The following TMEM245 variants were observed in gnomAD, a reference collection of about 807,000 sequenced individuals.
TMEM245 encodes the protein protein CG-2.
In TMEM245, 69 loss-of-function variants were observed where a neutral mutation model predicts 101.2. The ratio of observed to expected loss-of-function variants is 0.68; its 90% CI spans 0.56 to 0.83. The LOEUF (loss-of-function observed/expected upper bound fraction) is 0.83. Among genes scored for constraint, TMEM245 ranks in the 40% least tolerant of loss-of-function variants. The pLI, the probability that TMEM245 is intolerant of heterozygous loss-of-function variation, is 0.00. For synonymous variants in TMEM245, 537 were observed against 449.8 expected, an observed-to-expected ratio of 1.19 and a Z score of -2.45; for missense variants, 1,075 against 1,092.8, an observed-to-expected ratio of 0.98 and a Z score of 0.23.
intron 3 of TMEM245, among the ~76,000 whole-genome samples, chr9:109,097,102 G>C (rs1267470965): frequency 1.3e-5 from 2 of 152,196 alleles, no homozygotes; most frequent in Admixed American, 6.5e-5. Flanking sequence ...GGTTTCCAAA[G>C]GAGCTGTCTG....
intron 9 of TMEM245, among the ~76,000 whole-genome samples, chr9:109,065,685 T>C (rs1423976821): frequency 6.6e-6 from 1 of 152,082 alleles, no homozygotes; most frequent in Non-Finnish European, 1.5e-5. Context: ...CAAGAGAAAA[T>C]ATGTTCACGT....
rs185698441 is a variant in TMEM245 at position 109,038,795 on chromosome 9, T to C, written c.2124-678A>G. The C allele has an allele frequency of 1.3e-3, 200 of 152,316 alleles. 1 individual carries two copies. The highest frequency in any genetic ancestry group is 4.4e-3 in the African/African-American group (182 of 41,556). 9.4% of individuals were successfully genotyped at this position (152,316 alleles called of 1,614,324 possible). A position where few individuals can be genotyped will look rare whatever the true frequency, so the allele number is the denominator to read the frequency against. On this transcript the variant is annotated intron_variant, in intron 14 of 17. Transcript: ENST00000374586. ...AGACACATATATTTGGTGACTAATA[T>C]AGGAATTCAATACATGAAAATCTGC...
intron 9 of TMEM245, among the ~76,000 whole-genome samples, chr9:109,066,750 G>C (rs376991943): frequency 6.6e-6 from 1 of 151,772 alleles, no homozygotes; most frequent in South Asian, 2.1e-4. Flanking sequence ...CTCTCCTGTA[G>C]TGTTATTCAA....
At chr9:109,087,121 C>A in intron 6 of TMEM245, 52 bp downstream of exon 6, 1 of 1,492,592 alleles carries the variant, frequency 6.7e-7, no homozygotes, top group South Asian at 1.4e-5. Flanking sequence ...AAGTTCAAAC[C>A]ACGAAATATA....
intron 14 of TMEM245, among the ~76,000 whole-genome samples, chr9:109,040,569 C>T (rs1304849413): frequency 6.6e-6 from 1 of 152,266 alleles, no homozygotes; most frequent in Middle Eastern, 3.4e-3. Flanking sequence ...TCTAGAATTT[C>T]ACGTAAACAC....
At chr9:109,026,424 G>T (rs1361752122) in intron 17 of TMEM245, among the ~76,000 whole-genome samples, 1 of 151,924 alleles carries the variant, frequency 6.6e-6, no homozygotes, top group Non-Finnish European at 1.5e-5. Flanking sequence ...TTAGGAGTTC[G>T]TTAAGAAGGA....
chr9:109,044,542 C>A (rs1485161714), intron 14 of TMEM245, among the ~76,000 whole-genome samples: 1 of 152,098 alleles, frequency 6.6e-6, no homozygotes, highest in Non-Finnish European at 1.5e-5. Flanking sequence ...AGCCTCACTG[C>A]AATATGGTAT....
intron 4 of TMEM245, among the ~76,000 whole-genome samples, chr9:109,092,113 T>C (rs1440666272): frequency 1.3e-5 from 2 of 152,222 alleles, no homozygotes; most frequent in African/African-American, 4.8e-5. Flanking sequence ...CTACTTATCC[T>C]TTCTCATTCT....
intron 14 of TMEM245, among the ~76,000 whole-genome samples, chr9:109,040,107 G>A (rs1195075057): frequency 6.6e-6 from 1 of 152,170 alleles, no homozygotes; most frequent in Non-Finnish European, 1.5e-5. Context: ...TGCTGGTAAT[G>A]TTCTCAAGGC....
At chr9:109,097,845 C>T (rs1830181047) in intron 3 of TMEM245, among the ~76,000 whole-genome samples, 1 of 152,270 alleles carries the variant, frequency 6.6e-6, no homozygotes, top group South Asian at 2.1e-4. Context: ...CACTTGAACC[C>T]GGGAGGCAGA....
At chr9:109,099,125 G>A (rs1830218062) in intron 3 of TMEM245, among the ~76,000 whole-genome samples, 1 of 152,178 alleles carries the variant, frequency 6.6e-6, no homozygotes, top group Non-Finnish European at 1.5e-5. Context: ...TCCCCAGCCT[G>A]CAAAGTTCCC....
rs569913549 is a variant in TMEM245, at chr9:109,075,623, A to C, written c.1450-2185T>G. 2.0e-5 allele frequency among the ~76,000 whole-genome samples: 3 copies of C among 152,328 alleles called. No individual in the cohort carries two copies. In the South Asian group the frequency reaches 6.2e-4, roughly 32 times the overall value. On this transcript the variant is annotated intron_variant, in intron 8 of 17. Transcript: ENST00000374586. ...AGGAATTTCTCCATTTAATGTTATC[A>C]AACTTGATGGCATAAAGTTGTTCAC... is the stretch of plus-strand genomic sequence containing the variant.
intron 6 of TMEM245, among the ~76,000 whole-genome samples, chr9:109,086,928 G>C (rs1829856163): frequency 6.6e-6 from 1 of 152,024 alleles, no homozygotes; most frequent in South Asian, 2.1e-4. Flanking sequence ...ATATAATGAA[G>C]GAATTAAATC....
chr9:109,053,614 T>G (rs1370424161), intron 12 of TMEM245, among the ~76,000 whole-genome samples: 2 of 152,176 alleles, frequency 1.3e-5, no homozygotes, highest in Admixed American at 1.3e-4. Flanking sequence ...TGGTCTCTAC[T>G]GTGGATAAGA....
chr9:109,046,213 G>C (rs1487395220), intron 14 of TMEM245: 2 of 534,270 alleles, frequency 3.7e-6, no homozygotes, highest in East Asian at 1.1e-4. Flanking sequence ...CCATACCCGT[G>C]TGCATGCACT....
intron 2 of TMEM245, among the ~76,000 whole-genome samples, chr9:109,107,998 T>C (rs1009279096): frequency 3.9e-5 from 6 of 152,326 alleles, no homozygotes; most frequent in African/African-American, 1.4e-4. Context: ...CCTTCAAATA[T>C]TAGAAATAGG....
At chr9:109,030,557 T>G (rs1339523564) in intron 17 of TMEM245, among the ~76,000 whole-genome samples, 1 of 152,240 alleles carries the variant, frequency 6.6e-6, no homozygotes, top group African/African-American at 2.4e-5. Context: ...TTGTGTTTGG[T>G]GAGCCCATGG....
intron 5 of TMEM245, among the ~76,000 whole-genome samples, chr9:109,088,304 C>A (rs535618620): frequency 7.2e-5 from 11 of 152,316 alleles, no homozygotes; most frequent in Admixed American, 5.9e-4. Context: ...CCTAAAAGAA[C>A]TCCTATAGTT....
intron 17 of TMEM245, 89 bp from the exon 18 acceptor site, chr9:109,020,594 T>C (rs917685185): frequency 1.1e-5 from 13 of 1,141,224 alleles, no homozygotes; most frequent in African/African-American, 3.1e-5. Flanking sequence ...TGAGATTATA[T>C]AGTCACTATT....
Sources: allele counts gnomAD v4.1 joint callset (sites outside exome capture counted in the v4.1 genomes callset), GRCh38; gene constraint gnomAD v4.1.1; transcripts MANE v1.5; gene names NCBI Gene and HGNC (gene_info 2026-07-23, HGNC 2026-07-21).